The following RPS6KC1 variants were observed in gnomAD, a reference collection of about 807,000 sequenced individuals.
RPS6KC1 encodes inactive ribosomal protein S6 kinase delta-1.
RPS6KC1 carries 54 observed loss-of-function variants against 103.8 expected under a neutral mutation model. That is an observed-to-expected ratio of 0.52 (90% CI 0.42 to 0.65). The LOEUF is 0.65. RPS6KC1 is among the 30% of genes least tolerant of loss of function. The probability of loss-of-function intolerance (pLI) is 0.00; values close to 1 mark genes in which losing one functional copy is unlikely to be tolerated. For synonymous variants in RPS6KC1, 439 were observed against 438.7 expected, an observed-to-expected ratio of 1.00 and a Z score of -0.01; for missense variants, 1,151 against 1,253.8, an observed-to-expected ratio of 0.92 and a Z score of 1.24.
chr1:213,712,498 T>C, the RPS6KC1 span, among the ~76,000 whole-genome samples: 1 of 152,212 alleles, frequency 6.6e-6, no homozygotes, highest in South Asian at 2.1e-4. Flanking sequence ...CTCCCTGGCT[T>C]CAGCCCCCTT....
chr1:213,573,863 C>G, the RPS6KC1 span, among the ~76,000 whole-genome samples: 7 of 152,200 alleles, frequency 4.6e-5, no homozygotes, highest in Non-Finnish European at 7.3e-5. Flanking sequence ...GCAATAAAAG[C>G]CTTCATCTCA....
chr1:213,412,390 G>A, the RPS6KC1 span, among the ~76,000 whole-genome samples: 1 of 152,208 alleles, frequency 6.6e-6, no homozygotes, highest in African/African-American at 2.4e-5. Flanking sequence ...GAGCATGCTG[G>A]GGGCCCAGCC....
the RPS6KC1 span, among the ~76,000 whole-genome samples, chr1:213,576,376 T>G: frequency 6.6e-6 from 1 of 151,550 alleles, no homozygotes; most frequent in South Asian, 2.1e-4. Flanking sequence ...TGTGGGTTTT[T>G]TTTTTTTTTT....
the RPS6KC1 span, among the ~76,000 whole-genome samples, chr1:213,430,416 T>G: frequency 1.3e-5 from 2 of 152,158 alleles, no homozygotes; most frequent in Admixed American, 1.3e-4. Context: ...GGACATCAGA[T>G]CTCCCCATAA....
chr1:213,078,558 C>A (rs1229660333), intron 3 of RPS6KC1, among the ~76,000 whole-genome samples: 3 of 152,238 alleles, frequency 2.0e-5, no homozygotes, highest in Non-Finnish European at 4.4e-5. Flanking sequence ...TCTGCCACCA[C>A]ACCTGGCTAA....
At position 213,070,612 on chromosome 1, in the gene RPS6KC1, C is replaced by T. The variant is rs533379452; in HGVS notation, c.106-394C>T. ...TGTACAGAAAAGGAAACTGAAACAG[C>T]TGTATTGGTTCCAACTAAGCATTTG... On this transcript the variant is annotated intron_variant, in intron 1 of 14. Transcript: ENST00000366960. Among the ~76,000 whole-genome samples the T allele has an allele frequency of 1.1e-3, 169 of 152,296 alleles. 1 individual carries two copies. The highest frequency in any genetic ancestry group is 2.2e-3 in the Admixed American group (33 of 15,284).
intron 3 of RPS6KC1, among the ~76,000 whole-genome samples, chr1:213,100,663 C>T (rs1030489433): frequency 1.3e-5 from 2 of 152,192 alleles, no homozygotes; most frequent in African/African-American, 4.8e-5. Context: ...TTAGCTCCCA[C>T]TTAAAAGTGA....
the RPS6KC1 span, among the ~76,000 whole-genome samples, chr1:213,298,841 C>G: frequency 1.3e-5 from 2 of 152,086 alleles, no homozygotes; most frequent in African/African-American, 4.8e-5. Context: ...CATGATTCCC[C>G]CCTGTTGTGG....
chr1:213,851,545 G>A, the RPS6KC1 span, among the ~76,000 whole-genome samples: 1 of 151,966 alleles, frequency 6.6e-6, no homozygotes, highest in Admixed American at 6.5e-5. Context: ...CACGTTGAGC[G>A]AGATTGCCCC....
chr1:213,852,361 T>C, the RPS6KC1 span, among the ~76,000 whole-genome samples: 1 of 152,162 alleles, frequency 6.6e-6, no homozygotes, highest in East Asian at 1.9e-4. Context: ...TGCTATTCTA[T>C]GTTATTGTGA....
chr1:213,402,958 C>CAA, the RPS6KC1 span, among the ~76,000 whole-genome samples: 2,364 of 111,478 alleles, frequency 0.021, 81 homozygotes, highest in African/African-American at 0.058. Context: ...ACTAAAAATA[C>CAA]AAAAAAAAAA....
the RPS6KC1 span, among the ~76,000 whole-genome samples, chr1:213,454,486 GT>G: frequency 2.2e-4 from 33 of 152,330 alleles, no homozygotes; most frequent in Middle Eastern, 3.4e-3. Flanking sequence ...CCTGGAAGGT[GT>G]TGGGCACACA....
chr1:213,646,747 G>T, the RPS6KC1 span, among the ~76,000 whole-genome samples: 1 of 151,962 alleles, frequency 6.6e-6, no homozygotes, highest in Admixed American at 6.6e-5. Context: ...GCTCTCCTGA[G>T]GTCATCATGG....
chr1:213,553,199 C>T, the RPS6KC1 span, among the ~76,000 whole-genome samples: 3 of 152,080 alleles, frequency 2.0e-5, no homozygotes, highest in Non-Finnish European at 4.4e-5. Flanking sequence ...GTCTATTGCT[C>T]CCTTTTTTGT....
the RPS6KC1 span, among the ~76,000 whole-genome samples, chr1:213,571,758 A>G: frequency 6.6e-5 from 10 of 152,192 alleles, no homozygotes; most frequent in African/African-American, 9.6e-5. Context: ...TTTGAGATGG[A>G]GAATCCAAAA....
chr1:213,094,228 A>C (rs1468422138), intron 3 of RPS6KC1, among the ~76,000 whole-genome samples: 2 of 152,142 alleles, frequency 1.3e-5, no homozygotes, highest in African/African-American at 4.8e-5. Flanking sequence ...ACCATTTGAG[A>C]ATAAAATGCA....
At chr1:213,646,026 AGTT>A in the RPS6KC1 span, among the ~76,000 whole-genome samples, 146 of 152,328 alleles carry the variant, frequency 9.6e-4, no homozygotes, top group Non-Finnish European at 2.0e-3. Context: ...TTGCAGCTGA[AGTT>A]TTTTAAAAAT....
the RPS6KC1 span, among the ~76,000 whole-genome samples, chr1:213,809,551 CA>C: frequency 6.6e-6 from 1 of 151,940 alleles, no homozygotes; most frequent in African/African-American, 2.4e-5. Context: ...TAATAAAGTA[CA>C]ATAAAACAAA....
the RPS6KC1 span, among the ~76,000 whole-genome samples, chr1:213,667,186 A>G: frequency 5.3e-5 from 8 of 151,490 alleles, no homozygotes; most frequent in South Asian, 2.1e-4. Flanking sequence ...GTAAAATACA[A>G]AAGAAAAAAA....
Sources: allele counts gnomAD v4.1 joint callset (sites outside exome capture counted in the v4.1 genomes callset), GRCh38; gene constraint gnomAD v4.1.1; transcripts MANE v1.5; gene names NCBI Gene and HGNC (gene_info 2026-07-23, HGNC 2026-07-21).